The following ZNF618 variants were observed in gnomAD, a reference collection of about 807,000 sequenced individuals.
The protein encoded by ZNF618 is zinc finger protein 618.
Under a neutral mutation model 103.0 loss-of-function variants are expected in ZNF618, and 34 were observed. The observed-to-expected ratio is 0.33, with a 90% CI of 0.25 to 0.44. The LOEUF (loss-of-function observed/expected upper bound fraction) is 0.44, where lower values mean the gene tolerates loss of function less well. ZNF618 is among the 20% of genes least tolerant of loss of function. The pLI is 1.00. For missense variants in ZNF618, 1,059 were observed against 1,295.4 expected (o/e 0.82, Z 2.80); for synonymous variants, 551 against 542.2 (o/e 1.02, Z -0.23).
intron 2 of ZNF618, among the ~76,000 whole-genome samples, chr9:113,985,136 G>A (rs1271508229): frequency 6.6e-6 from 1 of 152,228 alleles, no homozygotes. Flanking sequence ...AGCACTGTGG[G>A]GTAGGTACCG....
At chr9:113,888,194 C>T (rs764881391) in intron 1 of ZNF618, among the ~76,000 whole-genome samples, 7 of 152,204 alleles carry the variant, frequency 4.6e-5, no homozygotes, top group East Asian at 1.9e-4. Flanking sequence ...TTACCATTCC[C>T]GTTGTACAGC....
chr9:113,908,622 G>T (rs943839522), intron 1 of ZNF618, among the ~76,000 whole-genome samples: 1 of 152,052 alleles, frequency 6.6e-6, no homozygotes, highest in Non-Finnish European at 1.5e-5. Context: ...AGTCAGCCCC[G>T]AGGCAGCAGG....
intron 10 of ZNF618, among the ~76,000 whole-genome samples, chr9:114,021,517 T>C (rs1453559100): frequency 6.6e-6 from 1 of 152,116 alleles, no homozygotes; most frequent in African/African-American, 2.4e-5. Flanking sequence ...ATCAGTGGTG[T>C]GTTAATGAAG....
intron 5 of ZNF618, 72 bp from the exon 6 acceptor site, chr9:114,002,552 T>C (rs1354219468): frequency 6.4e-7 from 1 of 1,553,294 alleles, no homozygotes; most frequent in East Asian, 2.2e-5. Context: ...CCATGTTCTC[T>C]TTTGCACTTG....
intron 1 of ZNF618, among the ~76,000 whole-genome samples, chr9:113,939,914 G>A (rs1442897502): frequency 6.6e-6 from 1 of 151,986 alleles, no homozygotes; most frequent in Non-Finnish European, 1.5e-5. Flanking sequence ...CCAAGAACAT[G>A]CTCTTATGTT....
chr9:114,049,591 C>T lies in ZNF618; in HGVS notation c.2289C>T (p.Thr763=), dbSNP rs1564351806. ...SQPTLQLVLP[T]YVRLEKLFTA... ...CCACCCTGCAGCTGGTGCTGCCCAC[C>T]TACGTCAGGCTGGAGAAGCTGTTCA... is the stretch of plus-strand genomic sequence containing the variant. The change falls in exon 15 of 15, where the codon ACC becomes ACT. Residue 763 remains threonine (T), a synonymous_variant. Transcript: ENST00000374126. 3 of 1,613,854 alleles carry T rather than the reference C, an allele frequency of 1.9e-6. No individual in the cohort carries two copies. In the African/African-American group the frequency reaches 4.0e-5, roughly 21 times the overall value.
At position 113,942,963 on chromosome 9, in the gene ZNF618, C is replaced by T. The variant is rs142902764; in HGVS notation, c.34-26154C>T. Among the ~76,000 whole-genome samples the T allele has an allele frequency of 5.3e-3, 810 of 152,106 alleles. 7 individuals carry two copies. Among genetic ancestry groups the T allele is most frequent in the African/African-American group, 0.019 (778 of 41,490 alleles). On this transcript the variant is annotated intron_variant, in intron 1 of 14. Coordinates refer to ENST00000374126, the MANE Select transcript of ZNF618 (RefSeq NM_001318042.2). ...CTTTTTTAGCCTCTAAGGTAACTGG[C>T]GAAAGTGTAATTTATTTAGAGGAGT...
Position 113,990,568 on chromosome 9 carries a change from C to G in ZNF618, c.337+1988C>G, listed in dbSNP as rs74671845. ...GTCCATTGTGGGTCAAGAGGGACCT[C>G]TGCTCCCCTCTGGTCCCAGACTAAA... On this transcript the variant is annotated intron_variant, in intron 3 of 14. Coordinates refer to ENST00000374126, the MANE Select transcript of ZNF618 (RefSeq NM_001318042.2). 1.4e-3 allele frequency among the ~76,000 whole-genome samples: 212 copies of G among 152,344 alleles called. 3 individuals carry two copies. The East Asian group carries it at 0.032, about 23-fold the overall frequency.
intron 2 of ZNF618, among the ~76,000 whole-genome samples, chr9:113,983,301 G>T (rs1839138435): frequency 6.6e-6 from 1 of 152,218 alleles, no homozygotes; most frequent in African/African-American, 2.4e-5. Context: ...AAGTACTTAT[G>T]TGATTCCATT....
At chr9:113,963,741 C>G (rs750875850) in intron 1 of ZNF618, among the ~76,000 whole-genome samples, 1 of 152,194 alleles carries the variant, frequency 6.6e-6, no homozygotes, top group African/African-American at 2.4e-5. Flanking sequence ...TTTTGAGAAA[C>G]AATCATAATT....
intron 9 of ZNF618, 39 bp downstream of exon 9, chr9:114,008,593 G>A: frequency 1.2e-6 from 2 of 1,609,396 alleles, no homozygotes; most frequent in Non-Finnish European, 1.7e-6. Flanking sequence ...GCTGGGTGGG[G>A]GCTGGCCAAG....
At chr9:114,032,963 T>G (rs1844231603) in intron 12 of ZNF618, among the ~76,000 whole-genome samples, 1 of 151,900 alleles carries the variant, frequency 6.6e-6, no homozygotes, top group Admixed American at 6.6e-5. Flanking sequence ...CCTCTCTGTC[T>G]CCCCCATGGA....
At chr9:113,920,038 C>T (rs1832498929) in intron 1 of ZNF618, among the ~76,000 whole-genome samples, 1 of 152,162 alleles carries the variant, frequency 6.6e-6, no homozygotes, top group Non-Finnish European at 1.5e-5. Context: ...CTGGGGAGCA[C>T]CAGGGCCCTG....
Position 114,044,540 on chromosome 9 carries a change from A to G in ZNF618, c.1247-3353A>G, listed in dbSNP as rs544989767. Among the ~76,000 whole-genome samples the G allele has an allele frequency of 1.2e-3, 184 of 152,132 alleles. 1 individual carries two copies. The highest frequency in any genetic ancestry group is 4.2e-3 in the African/African-American group (175 of 41,504). On this transcript the variant is annotated intron_variant, in intron 13 of 14. Coordinates refer to ENST00000374126, the MANE Select transcript of ZNF618 (RefSeq NM_001318042.2). ...GCTATGCAAGCTCTTTTTTGGTACC[A>G]TATAAATTTTAGGATTGTTTTTTCT...
chr9:113,910,651 A>T (rs190387544), intron 1 of ZNF618, among the ~76,000 whole-genome samples: 21 of 152,082 alleles, frequency 1.4e-4, no homozygotes, highest in Non-Finnish European at 2.4e-4. Flanking sequence ...TCTACCAGGG[A>T]CAATATCACT....
intron 2 of ZNF618, among the ~76,000 whole-genome samples, chr9:113,970,558 G>A (rs1029706271): frequency 2.0e-5 from 3 of 152,020 alleles, no homozygotes; most frequent in African/African-American, 7.3e-5. Flanking sequence ...CCCATAAATG[G>A]CCATAGTTTG....
intron 1 of ZNF618, among the ~76,000 whole-genome samples, chr9:113,940,475 T>C (rs942256312): frequency 5.3e-5 from 8 of 152,266 alleles, no homozygotes; most frequent in African/African-American, 1.9e-4. Flanking sequence ...TTTTTCTTCC[T>C]GTTTCTCCTT....
intron 9 of ZNF618, among the ~76,000 whole-genome samples, chr9:114,015,598 A>C (rs7041487): frequency 0.58 from 87,784 of 151,978 alleles, 26,661 homozygotes; most frequent in East Asian, 0.67. Flanking sequence ...GAATTTTTCC[A>C]CAGGAAATAA....
chr9:113,990,324 T>C (rs567902105), intron 3 of ZNF618, among the ~76,000 whole-genome samples: 7 of 152,214 alleles, frequency 4.6e-5, no homozygotes, highest in South Asian at 2.1e-4. Context: ...CCCCTAGAGA[T>C]TGGGGCTCCA....
Sources: gnomAD v4.1 joint callset for allele counts (sites outside exome capture counted in the v4.1 genomes callset) on GRCh38, gnomAD v4.1.1 for gene constraint, MANE v1.5 for transcripts, NCBI Gene and HGNC (gene_info 2026-07-23, HGNC 2026-07-21) for gene names.